The following INF2 variants were observed in gnomAD, a reference collection of about 807,000 sequenced individuals.
INF2 encodes the protein inverted formin 2.
A neutral mutation model predicts 123.5 loss-of-function variants in INF2; 43 were observed. That is an observed-to-expected ratio of 0.35 (90% CI 0.27 to 0.45). The LOEUF (loss-of-function observed/expected upper bound fraction) is 0.45, where lower values mean the gene tolerates loss of function less well. Among genes scored for constraint, INF2 ranks in the 20% least tolerant of loss-of-function variants. INF2 has a pLI of 1.00. For synonymous variants in INF2, 851 were observed against 745.0 expected, an observed-to-expected ratio of 1.14 and a Z score of -2.32; for missense variants, 1,453 against 1,682.7, an observed-to-expected ratio of 0.86 and a Z score of 2.39.
In INF2 at chr14:104,714,598, G is replaced by A. The variant is rs749079171; in HGVS notation, c.3436G>A (p.Asp1146Asn). ...GCTGGGCGTCCTCCAGGCCGAGGCC[G>A]ACAGCACAAGTGAGGGGCTGGAGGA... ...SLLGVLQAEA[D>N]STSEGLEDAV... Residue 1146 changes from aspartate (D) to asparagine (N), a missense_variant, in exon 21 of 23, where the codon GAC becomes AAC. Asp to Asn is a conservative substitution (Grantham distance 23). Transcript: ENST00000392634. 35 of 1,612,446 alleles carry A rather than the reference G, an allele frequency of 2.2e-5. No individual in the cohort carries two copies. Among genetic ancestry groups the A allele is most frequent in the East Asian group, 4.5e-5 (2 of 44,872 alleles).
At chr14:104,714,166 G>C (rs1392504476) in intron 20 of INF2, 37 bp from the exon 21 acceptor site, 8 of 1,455,452 alleles carry the variant, frequency 5.5e-6, no homozygotes, top group Non-Finnish European at 7.2e-6. Flanking sequence ...CTCGGGGGCA[G>C]GGTGCCTGCC....
chr14:104,681,134 T>C, upstream of INF2: 1 of 230,376 alleles, frequency 4.3e-6, no homozygotes, highest in Non-Finnish European at 8.8e-6. Context: ...CGAGCTGCCA[T>C]CTGGGGGGTG....
intron 20 of INF2, 131 bp downstream of exon 20, chr14:104,713,737 T>C: frequency 2.9e-6 from 3 of 1,017,978 alleles, no homozygotes; most frequent in Non-Finnish European, 4.3e-6. Context: ...CCCCTAAGAC[T>C]GGGGACAGCC....
intron 21 of INF2, 141 bp from the exon 22 acceptor site, chr14:104,715,143 T>C: frequency 7.0e-6 from 6 of 852,234 alleles, no homozygotes; most frequent in Non-Finnish European, 9.8e-6. Flanking sequence ...GTGGCTGCCA[T>C]GTGGCTTAGT....
intron 22 of INF2, among the ~76,000 whole-genome samples, chr14:104,716,943 C>G (rs1326528010): frequency 2.6e-5 from 4 of 152,312 alleles, no homozygotes; most frequent in South Asian, 4.1e-4. Context: ...CCACCCGCCT[C>G]GGCCTCCCAA....
intron 5 of INF2, 88 bp downstream of exon 5, chr14:104,704,037 C>T: frequency 1.3e-6 from 2 of 1,592,382 alleles, no homozygotes; most frequent in Non-Finnish European, 1.7e-6. Context: ...GCCACCTCAC[C>T]TAAGCAGCAC....
chr14:104,715,418 CT>C, intron 22 of INF2, 78 bp downstream of exon 22: 1 of 1,282,018 alleles, frequency 7.8e-7, no homozygotes, highest in African/African-American at 1.5e-5. Context: ...GCCCACACCC[CT>C]CCGGGACACT....
upstream of INF2, among the ~76,000 whole-genome samples, chr14:104,687,811 G>C (rs1243121184): frequency 6.6e-6 from 1 of 152,184 alleles, no homozygotes; most frequent in African/African-American, 2.4e-5. This position sits in a 1 kb window ranked among gnomAD's most constrained non-coding sequence, Gnocchi z 5.6. Flanking sequence ...CTTTCCCCCA[G>C]GCAGGTGGAC....
intron 1 of INF2, among the ~76,000 whole-genome samples, chr14:104,696,116 T>C (rs1889177888): frequency 6.6e-6 from 1 of 152,184 alleles, no homozygotes; most frequent in Admixed American, 6.5e-5. Context: ...CTTTGTCTTC[T>C]GATCATGATG....
chr14:104,681,672 T>G (rs964178863), intron 1 of INF2: 13 of 1,107,906 alleles, frequency 1.2e-5, no homozygotes, highest in Non-Finnish European at 1.6e-5. Context: ...AGCATCTGAG[T>G]GCAGGAGGCA....
chr14:104,706,777 GA>G, intron 6 of INF2, 132 bp from the exon 7 acceptor site: 1 of 1,018,788 alleles, frequency 9.8e-7, no homozygotes, highest in Non-Finnish European at 1.4e-6. Flanking sequence ...CACAGTCGCT[GA>G]AACTCTCATC....
chr14:104,712,229 C>A (rs1003830366), intron 16 of INF2, among the ~76,000 whole-genome samples: 1 of 152,144 alleles, frequency 6.6e-6, no homozygotes, highest in East Asian at 1.9e-4. Context: ...ACAGGCTGAC[C>A]GTTAGGGTCC....
At chr14:104,687,460 C>CCA (rs5811148), upstream of INF2, among the ~76,000 whole-genome samples, 48,869 of 149,350 alleles carry the variant, frequency 0.33, 8,539 homozygotes, top group East Asian at 0.54. This position sits in a 1 kb window ranked among gnomAD's most constrained non-coding sequence, Gnocchi z 5.6. Context: ...GGCCTCCACT[C>CCA]CACACACACA....
chr14:104,712,566 C>T lies in INF2; in HGVS notation c.2610+13C>T. The T allele has an allele frequency of 6.2e-7, 1 of 1,612,552 alleles. No homozygotes were observed. The highest frequency in any genetic ancestry group is 1.1e-5 in the South Asian group (1 of 91,048). The stretch of plus-strand genomic sequence containing the variant: ...CGAGCGCCTCCAGGCAAGTGGGCAC[C>T]TGGGCCTGGGGCTGGCGGGAGAGGC... On this transcript the variant is annotated intron_variant, in intron 17 of 22. Coordinates refer to ENST00000392634, the MANE Select transcript of INF2 (RefSeq NM_022489.4).
intron 4 of INF2, 139 bp from the exon 5 acceptor site, chr14:104,703,777 T>C: frequency 7.2e-6 from 9 of 1,247,210 alleles, no homozygotes; most frequent in Non-Finnish European, 1.0e-5. Flanking sequence ...TCCAGCATGA[T>C]GTCTCCCCTC....
chr14:104,714,423 C>A lies in INF2; in HGVS notation c.3261C>A (p.Thr1087=). Residue 1087 remains threonine, a synonymous_variant, in exon 21 of 23, where the codon ACC becomes ACA. Coordinates refer to ENST00000392634, the MANE Select transcript of INF2 (RefSeq NM_022489.4). ...SWYVDASDVL[T]TEDPQCPQPL... ...ATGTGGATGCCAGCGATGTCCTAAC[C>A]ACTGAGGATCCCCAGTGCCCCCAGC... 6.2e-6 allele frequency: 10 copies of A among 1,608,542 alleles called. No individual in the cohort carries two copies. The highest frequency in any genetic ancestry group is 4.2e-6 in the Non-Finnish European group (5 of 1,177,874).
chr14:104,708,583 A>G lies in INF2; in HGVS notation c.1883A>G (p.Lys628Arg), dbSNP rs878960936. Residue 628 changes from lysine (K) to arginine (R), a missense_variant, in exon 9 of 23, where the codon AAG (lysine) becomes AGG (arginine). By Grantham distance (26) the Lys-to-Arg change is conservative. Coordinates refer to ENST00000392634, the MANE Select transcript of INF2 (RefSeq NM_022489.4). ...GCCCCCCGGGCCAGGAAGGAGCCCA[A>G]GGAGGTGGGGACGGGGAGGGGACTC... ...MVAPRARKEP[K>R]EITFLDAKKS... 1.2e-6 allele frequency: 2 copies of G among 1,610,920 alleles called. No homozygotes were observed. The highest frequency in any genetic ancestry group is 2.2e-5 in the South Asian group (2 of 90,996).
chr14:104,710,865 C>T, intron 13 of INF2, 72 bp from the exon 14 acceptor site: 1 of 1,377,678 alleles, frequency 7.3e-7, no homozygotes, highest in Non-Finnish European at 1.0e-6. Flanking sequence ...GCAAGCAGGA[C>T]CACACCCCAC....
At chr14:104,682,965 G>A (rs1782185981) in intron 1 of INF2, among the ~76,000 whole-genome samples, 1 of 152,148 alleles carries the variant, frequency 6.6e-6, no homozygotes. Context: ...ATAGCTCAGA[G>A]TAACACGGCT....
Sources: gnomAD v4.1 joint callset for allele counts (sites outside exome capture counted in the v4.1 genomes callset) on GRCh38, gnomAD v4.1.1 for gene constraint, Gnocchi (gnomAD v3.1) non-coding constraint, MANE v1.5 for transcripts, NCBI Gene and HGNC (gene_info 2026-07-23, HGNC 2026-07-21) for gene names.